GLIS3: variants seen among roughly 807,000 people sequenced by gnomAD.
GLIS3 encodes the protein zinc finger protein GLIS3.
In GLIS3, 53 loss-of-function variants were observed where a neutral mutation model predicts 78.6. The ratio of observed to expected loss-of-function variants is 0.67; its 90% CI spans 0.54 to 0.85. The LOEUF (loss-of-function observed/expected upper bound fraction) is 0.85. Ranked by LOEUF, GLIS3 falls within the 40% of genes least tolerant of loss-of-function variation. The pLI is 0.00. For missense variants in GLIS3, 1,703 were observed against 1,231.1 expected, an observed-to-expected ratio of 1.38 and a Z score of -5.74; for synonymous variants, 684 against 509.9, an observed-to-expected ratio of 1.34 and a Z score of -4.60.
At chr9:4,044,099 C>G (rs1185745204) in intron 4 of GLIS3, among the ~76,000 whole-genome samples, 3 of 152,124 alleles carry the variant, frequency 2.0e-5, no homozygotes, top group African/African-American at 7.2e-5. Flanking sequence ...CTTCAGTGTC[C>G]CAGAGAAGCT....
intron 4 of GLIS3, among the ~76,000 whole-genome samples, chr9:4,068,929 G>A (rs1168955254): frequency 6.6e-6 from 1 of 151,794 alleles, no homozygotes; most frequent in African/African-American, 2.4e-5. Flanking sequence ...TGATTAAAGG[G>A]TATCAGAAAA....
intron 2 of GLIS3, among the ~76,000 whole-genome samples, chr9:4,174,465 C>T (rs1218902470): frequency 6.6e-6 from 1 of 152,096 alleles, no homozygotes; most frequent in East Asian, 1.9e-4. Context: ...TCATAAAATA[C>T]ATAGGGTACA....
intron 2 of GLIS3, among the ~76,000 whole-genome samples, chr9:4,220,825 T>C (rs1281055862): frequency 6.6e-6 from 1 of 151,822 alleles, no homozygotes; most frequent in Non-Finnish European, 1.5e-5. Context: ...AGCAACAATA[T>C]GTGTCTCAAA....
upstream of GLIS3, among the ~76,000 whole-genome samples, chr9:4,303,507 T>A (rs1417215299): frequency 6.6e-6 from 1 of 152,212 alleles, no homozygotes; most frequent in Non-Finnish European, 1.5e-5. Context: ...ACAAGTATGT[T>A]CAGCCCAAAC....
At chr9:4,166,725 T>A (rs934073739) in intron 2 of GLIS3, among the ~76,000 whole-genome samples, 21 of 152,342 alleles carry the variant, frequency 1.4e-4, no homozygotes, top group Non-Finnish European at 7.3e-5. Context: ...ATAAAAGCAG[T>A]TACTCTGATG....
intron 4 of GLIS3, among the ~76,000 whole-genome samples, chr9:4,074,188 G>A (rs1279768291): frequency 1.3e-5 from 2 of 152,178 alleles, no homozygotes; most frequent in Non-Finnish European, 2.9e-5. Flanking sequence ...TCAATATCAT[G>A]AACCAGGGGT....
At chr9:3,960,965 G>A (rs999011892) in intron 4 of GLIS3, among the ~76,000 whole-genome samples, 3 of 152,158 alleles carry the variant, frequency 2.0e-5, no homozygotes, top group African/African-American at 4.8e-5. Context: ...GCTGAATGGT[G>A]TAATTGGCCT....
rs531779438 is a variant in GLIS3, at chr9:4,172,198, G to C, written c.389-46257C>G. ...TGAATATGTATTTCTTATTTACTTG[G>C]AAAGTCTTGTATTTGCATCTGTCTT... On this transcript the variant is annotated intron_variant, in intron 2 of 10. Transcript: ENST00000381971. 2.6e-5 allele frequency among the ~76,000 whole-genome samples: 4 copies of C among 152,232 alleles called. No individual in the cohort carries two copies. In the East Asian group the frequency reaches 7.7e-4, roughly 29 times the overall value.
At chr9:4,080,401 G>C (rs1052022279) in intron 4 of GLIS3, among the ~76,000 whole-genome samples, 1 of 152,022 alleles carries the variant, frequency 6.6e-6, no homozygotes, top group Non-Finnish European at 1.5e-5. Context: ...AAAACATTTT[G>C]ATGCAGTATT....
chr9:4,195,389 G>A (rs917109114), intron 2 of GLIS3, among the ~76,000 whole-genome samples: 9 of 152,204 alleles, frequency 5.9e-5, no homozygotes, highest in South Asian at 2.1e-4. Flanking sequence ...CCCCACACTC[G>A]GAGAGGCCAG....
chr9:4,100,120 T>C (rs1199398220), intron 4 of GLIS3, among the ~76,000 whole-genome samples: 1 of 152,232 alleles, frequency 6.6e-6, no homozygotes, highest in African/African-American at 2.4e-5. Context: ...GTATTCTCAA[T>C]CTGACTTAGT....
chr9:4,438,895 ATGTC>A, the GLIS3 span, among the ~76,000 whole-genome samples: 6 of 152,190 alleles, frequency 3.9e-5, no homozygotes, highest in Admixed American at 3.3e-4. Flanking sequence ...AGTCCTAGGT[ATGTC>A]TTTATTAGCA....
intron 2 of GLIS3, among the ~76,000 whole-genome samples, chr9:4,280,593 A>T (rs1344957974): frequency 6.6e-6 from 1 of 152,242 alleles, no homozygotes; most frequent in African/African-American, 2.4e-5. Flanking sequence ...ATTCAGCGTC[A>T]AAGAATGAAT....
At chr9:4,402,842 A>T in the GLIS3 span, among the ~76,000 whole-genome samples, 1 of 152,170 alleles carries the variant, frequency 6.6e-6, no homozygotes, top group Non-Finnish European at 1.5e-5. Flanking sequence ...TCTCACAAAT[A>T]TGAGAGTTAT....
At chr9:4,148,710 C>G (rs1364177756) in intron 2 of GLIS3, among the ~76,000 whole-genome samples, 1 of 152,052 alleles carries the variant, frequency 6.6e-6, no homozygotes, top group African/African-American at 2.4e-5. Context: ...TAGTAAAGAA[C>G]TTCTTTGCAC....
chr9:4,240,450 G>A (rs1368523469), intron 2 of GLIS3, among the ~76,000 whole-genome samples: 1 of 151,996 alleles, frequency 6.6e-6, no homozygotes, highest in African/African-American at 2.4e-5. Flanking sequence ...GCAGTTCGCG[G>A]TCTGGGGATT....
chr9:4,220,843 G>C (rs1821269958), intron 2 of GLIS3, among the ~76,000 whole-genome samples: 2 of 152,110 alleles, frequency 1.3e-5, no homozygotes. Context: ...AAATTAACCA[G>C]GCATGGAGGT....
At chr9:3,921,091 G>C (rs563642190) in intron 6 of GLIS3, among the ~76,000 whole-genome samples, 1 of 152,306 alleles carries the variant, frequency 6.6e-6, no homozygotes, top group Admixed American at 6.5e-5. Context: ...TGGAGCTCAA[G>C]TTTTGATTAT....
chr9:3,983,113 G>T (rs941826750), intron 4 of GLIS3, among the ~76,000 whole-genome samples: 2 of 152,208 alleles, frequency 1.3e-5, no homozygotes, highest in Non-Finnish European at 2.9e-5. Flanking sequence ...GAGGAACATG[G>T]TGAGAGGTGA....
Sources: allele counts gnomAD v4.1 joint callset (sites outside exome capture counted in the v4.1 genomes callset), GRCh38; gene constraint gnomAD v4.1.1; transcripts MANE v1.5; gene names NCBI Gene and HGNC (gene_info 2026-07-23, HGNC 2026-07-21).